VAMP2: variants seen among roughly 807,000 people sequenced by gnomAD.
VAMP2 encodes the protein vesicle-associated membrane protein 2.
For missense variants in VAMP2, 95 were observed against 151.3 expected, an observed-to-expected ratio of 0.63 and a Z score of 1.95; for synonymous variants, 67 against 57.3, an observed-to-expected ratio of 1.17 and a Z score of -0.76.
At chr17:8,161,440 G>A in intron 4 of VAMP2, 33 bp downstream of exon 4, 1 of 1,613,142 alleles carries the variant, frequency 6.2e-7, no homozygotes, top group Non-Finnish European at 8.5e-7. Context: ...ACCTCTCCAG[G>A]GAAAGGGCCC....
chr17:8,161,329 G>A (rs750615730), intron 4 of VAMP2, 144 bp downstream of exon 4: 183 of 1,211,510 alleles, frequency 1.5e-4, no homozygotes, highest in Non-Finnish European at 2.0e-4. Context: ...AAAGTTTTTG[G>A]CTCTAGATGA....
At position 8,159,178 on chromosome 17, in the gene VAMP2, T is replaced by C. The variant is rs542445705; in HGVS notation, c.*1677A>G. On this transcript the variant is annotated 3_prime_UTR_variant, in exon 5 of 5. Transcript: ENST00000316509. Reference sequence around the variant, plus strand: ...TACTCATTACACATTTATTGTACATTTTCACAATCTGGATGCGCCACAGAA... The same window carrying C: ...TACTCATTACACATTTATTGTACATCTTCACAATCTGGATGCGCCACAGAA... The C allele has an allele frequency of 2.6e-5, 4 of 151,682 alleles. No individual in the cohort carries two copies. In the East Asian group the frequency reaches 7.7e-4, roughly 29 times the overall value. 9.4% of individuals were successfully genotyped at this position (151,682 alleles called of 1,614,324 possible).
At chr17:8,162,494 A>G (rs1179371208) in intron 1 of VAMP2, 125 bp from the exon 2 acceptor site, 1 of 1,547,510 alleles carries the variant, frequency 6.5e-7, no homozygotes, top group East Asian at 2.5e-5. Flanking sequence ...AGGCCACCCG[A>G]TGTAAGCCCT....
In VAMP2 at chr17:8,161,708, G is replaced by A. The variant is rs1348920643; in HGVS notation, c.182C>T (p.Ser61Leu). The A allele has an allele frequency of 4.3e-6, 7 of 1,614,130 alleles. No homozygotes were observed. The highest frequency in any genetic ancestry group is 3.3e-5 in the Admixed American group (2 of 60,020). ...DKVLERDQKL[S>L]ELDDRADALQ... ...TGCATCTGCACGGTCGTCCAGCTCC[G>A]ACAGCTTCTGGTCTCGCTCCAGGAC... The change falls in exon 3 of 5, where the codon TCG (serine) becomes TTG (leucine). Residue 61 changes from serine to leucine, a missense_variant. By Grantham distance (145) the Ser-to-Leu change is moderately radical. Transcript: ENST00000316509.
chr17:8,162,100 C>G (rs943226271), intron 2 of VAMP2, 149 bp downstream of exon 2: 2 of 1,332,600 alleles, frequency 1.5e-6, no homozygotes, highest in Non-Finnish European at 2.0e-6. Context: ...CAAGTGCGTG[C>G]TGACAGGGAG....
rs764319250 is a variant in VAMP2, at chr17:8,161,638, G to A, written c.252C>T (p.Leu84=). The change falls in exon 3 of 5, where the codon CTC becomes CTT. Residue 84 remains leucine, a synonymous_variant. Transcript: ENST00000316509. Reference sequence around the variant, plus strand: ...GGTTTTTCCACCAGTATTTGCGCTTGAGCTTGGCTGCGCTTGTTTCAAACT... The same window carrying A: ...GGTTTTTCCACCAGTATTTGCGCTTAAGCTTGGCTGCGCTTGTTTCAAACT... ...ASQFETSAAK[L]KRKYWWKNLK... 7.4e-5 allele frequency: 120 copies of A among 1,614,056 alleles called. No individual in the cohort carries two copies. Among genetic ancestry groups the A allele is most frequent in the Middle Eastern group, 1.6e-4 (1 of 6,084 alleles).
At chr17:8,161,092 C>T in intron 4 of VAMP2, 2 of 562,338 alleles carry the variant, frequency 3.6e-6, no homozygotes, top group South Asian at 4.7e-5. Context: ...AGCCACAGAC[C>T]CTAATCCTCT....
Position 8,160,382 on chromosome 17 carries a change from T to TTTTTG in VAMP2, c.*472_*473insCAAAA, listed in dbSNP as rs1983263387. The TTTTTG allele has an allele frequency of 8.5e-6, 1 of 117,312 alleles. No individual in the cohort carries two copies. The highest frequency in any genetic ancestry group is 2.5e-4 in the East Asian group (1 of 4,062). The allele number at this position is 117,312 out of a possible 1,614,324, so 7.3% of individuals were successfully genotyped here. A position where few individuals can be genotyped will look rare whatever the true frequency, so the allele number is the denominator to read the frequency against. ...AGGAAGCCTGGACAGGTGCTGTTGT[T>TTTTTG]TTTTTTTTTTTTTTTTTTTTTTTGA... On this transcript the variant is annotated 3_prime_UTR_variant, in exon 5 of 5. Transcript: ENST00000316509.
Position 8,160,762 on chromosome 17 carries a change from G to GC in VAMP2, c.*92_*93insG. 7.3e-7 allele frequency: 1 copy of GC among 1,363,746 alleles called. No individual in the cohort carries two copies. The highest frequency in any genetic ancestry group is 1.0e-6 in the Non-Finnish European group (1 of 985,108). 84.5% of individuals were successfully genotyped at this position (1,363,746 alleles called of 1,614,324 possible). On this transcript the variant is annotated 3_prime_UTR_variant, in exon 5 of 5. Coordinates refer to ENST00000316509, the MANE Select transcript of VAMP2 (RefSeq NM_014232.3). ...GACACACACACACACGGATCCAGGG[G>GC]AGTGGGGGCTGAAAGATATGGCTGA...
chr17:8,160,942 T>G, intron 4 of VAMP2, 71 bp from the exon 5 acceptor site: 3 of 1,381,248 alleles, frequency 2.2e-6, no homozygotes, highest in Non-Finnish European at 3.1e-6. Flanking sequence ...GAAAGCAGTG[T>G]GTCAGGCCTG....
Position 8,162,884 on chromosome 17 carries a change from G to T in VAMP2, c.-5C>A, listed in dbSNP as rs996505929. On this transcript the variant is annotated 5_prime_UTR_variant, in exon 1 of 5. Transcript: ENST00000316509. ...TGGCGGGCGGCCGACTCACATGGCG[G>T]GGGCAGCGGGTGGAGGACTTGGCAG... 6 of 1,212,382 alleles carry T rather than the reference G, an allele frequency of 4.9e-6. No homozygotes were observed. Among genetic ancestry groups the T allele is most frequent in the Non-Finnish European group, 6.2e-6 (6 of 975,500 alleles). 75.1% of individuals were successfully genotyped at this position (1,212,382 alleles called of 1,614,324 possible). A position where few individuals can be genotyped will look rare whatever the true frequency, so the allele number is the denominator to read the frequency against.
rs763327958 is a variant in VAMP2, at chr17:8,162,344, G to T, written c.28C>A (p.Pro10Thr). ...CCACCCTCCCCAGCCGGGGCAGCAGGGGGGGCCGTGGCAGCGGTAGCAGAC... is the reference window on the plus strand; with the variant it reads ...CCACCCTCCCCAGCCGGGGCAGCAGTGGGGGCCGTGGCAGCGGTAGCAGAC... Reference protein sequence around the residue: MSATAATAPPAAPAGEGGPP... With the variant: MSATAATAPTAAPAGEGGPP... The change falls in exon 2 of 5, where the codon CCT (proline) becomes ACT (threonine). Residue 10 changes from proline (P) to threonine (T), a missense_variant. Transcript: ENST00000316509. 1.9e-5 allele frequency: 31 copies of T among 1,607,318 alleles called. No individual in the cohort carries two copies. The highest frequency in any genetic ancestry group is 1.1e-4 in the East Asian group (5 of 44,046).
At chr17:8,160,894 T>G in intron 4 of VAMP2, 23 bp from the exon 5 acceptor site, 1 of 1,594,868 alleles carries the variant, frequency 6.3e-7, no homozygotes, top group Non-Finnish European at 8.6e-7. Context: ...GGGAAGAAGA[T>G]GAGGAAGAGG....
chr17:8,162,428 G>A (rs779083410), intron 1 of VAMP2, 59 bp from the exon 2 acceptor site: 2 of 1,592,006 alleles, frequency 1.3e-6, no homozygotes, highest in South Asian at 1.1e-5. Context: ...CCGCAGCCAG[G>A]GCTCCGCCCA....
At position 8,161,478 on chromosome 17, in the gene VAMP2, A is replaced by G. The variant is rs1216461588; in HGVS notation, c.329T>C (p.Ile110Thr). The stretch of plus-strand genomic sequence containing the variant: ...GCCATTCTCACCCTACTCACCTATG[A>G]TGATGATGAGGATGATGGCGCAAAT... The part of the protein sequence containing the change: ...GVICAIILII[I>T]IVYFST Residue 110 changes from isoleucine (I) to threonine (T), a missense_variant, in exon 4 of 5, where the codon ATC becomes ACC. By Grantham distance (89) the Ile-to-Thr change is moderately conservative (BLOSUM62 -1). Transcript: ENST00000316509. 3 of 1,614,120 alleles carry G rather than the reference A, an allele frequency of 1.9e-6. No individual in the cohort carries two copies. Among genetic ancestry groups the G allele is most frequent in the Non-Finnish European group, 1.7e-6 (2 of 1,179,990 alleles).
chr17:8,160,685 T>C lies in VAMP2; in HGVS notation c.*170A>G, dbSNP rs1983281524. On this transcript the variant is annotated 3_prime_UTR_variant, in exon 5 of 5. Coordinates refer to ENST00000316509, the MANE Select transcript of VAMP2 (RefSeq NM_014232.3). ...CTACAAACAGACCAAATATATATAA[T>C]ATTATATATGTATAAATAACAGCTG... 2 of 410,078 alleles carry C rather than the reference T, an allele frequency of 4.9e-6. No individual in the cohort carries two copies. Among genetic ancestry groups the C allele is most frequent in the Non-Finnish European group, 8.2e-6 (2 of 242,794 alleles). The allele number at this position is 410,078 out of a possible 1,614,324, so 25.4% of individuals were successfully genotyped here.
At position 8,160,891 on chromosome 17, in the gene VAMP2, A is replaced by AGATGAG. The variant is rs374440590; in HGVS notation, c.335-26_335-21dup. 1.0e-4 allele frequency: 167 copies of AGATGAG among 1,601,098 alleles called. 1 individual carries two copies. The African/African-American group carries it at 1.9e-3, about 18-fold the overall frequency. ...AGTAAACTGTGGAGAGAGGGGAAGA[A>AGATGAG]GATGAGGAAGAGGGAGAGGGGAGAG... On this transcript the variant is annotated intron_variant, in intron 4 of 4. Coordinates refer to ENST00000316509, the MANE Select transcript of VAMP2 (RefSeq NM_014232.3).
rs1983285497 is a variant in VAMP2, at chr17:8,160,758, A to G, written c.*97T>C. ...CACGGACACACACACACACGGATCC[A>G]GGGGAGTGGGGGCTGAAAGATATGG... On this transcript the variant is annotated 3_prime_UTR_variant, in exon 5 of 5. Transcript: ENST00000316509. 3.1e-6 allele frequency: 4 copies of G among 1,275,214 alleles called. No individual in the cohort carries two copies. Among genetic ancestry groups the G allele is most frequent in the South Asian group, 1.4e-5 (1 of 71,228 alleles). 79.0% of individuals were successfully genotyped at this position (1,275,214 alleles called of 1,614,324 possible). A position where few individuals can be genotyped will look rare whatever the true frequency, so the allele number is the denominator to read the frequency against.
chr17:8,161,571 T>C lies in VAMP2; in HGVS notation c.282+37A>G, dbSNP rs1983314578. The stretch of plus-strand genomic sequence containing the variant: ...CAGTAAGACAAACTATGATACCCCA[T>C]TCACCCACCTGTCCTCCTTCCTGTC... On this transcript the variant is annotated intron_variant, in intron 3 of 4. Transcript: ENST00000316509. The C allele has an allele frequency of 2.5e-6, 4 of 1,613,966 alleles. No individual in the cohort carries two copies. The East Asian group carries it at 6.7e-5, about 27-fold the overall frequency.
Sources: gnomAD v4.1 joint callset for allele counts on GRCh38, gnomAD v4.1.1 for gene constraint, MANE v1.5 for transcripts, NCBI Gene and HGNC (gene_info 2026-07-23, HGNC 2026-07-21) for gene names.